CPQ: variants seen among roughly 807,000 people sequenced by gnomAD.
The protein encoded by CPQ is Ser-Met dipeptidase.
Under a neutral mutation model 45.7 loss-of-function variants are expected in CPQ, and 37 were observed. The observed-to-expected ratio is 0.81, with a 90% CI of 0.62 to 1.07. The LOEUF is 1.07. Ranked by LOEUF, CPQ falls within the 50% of genes least tolerant of loss-of-function variation. The probability of loss-of-function intolerance (pLI) is 0.00; values close to 1 mark genes in which losing one functional copy is unlikely to be tolerated. For synonymous variants in CPQ, 186 were observed against 205.8 expected, an observed-to-expected ratio of 0.90 and a Z score of 0.82; for missense variants, 537 against 572.9, an observed-to-expected ratio of 0.94 and a Z score of 0.64.
rs148303069 is a variant in CPQ at position 96,886,288 on chromosome 8, C to A, written c.849+6283C>A. Among the ~76,000 whole-genome samples, 12 of 152,282 alleles carry A rather than the reference C, an allele frequency of 7.9e-5. No homozygotes were observed. The East Asian group carries it at 2.3e-3, about 29-fold the overall frequency. On this transcript the variant is annotated intron_variant, in intron 4 of 7. Transcript: ENST00000220763. Reference sequence around the variant, plus strand: ...TCAGAACTGCATTCTCTCAAGACAGCTTTATCCCTGGGAAATCATGGTATA... The same window carrying A: ...TCAGAACTGCATTCTCTCAAGACAGATTTATCCCTGGGAAATCATGGTATA...
intron 1 of CPQ, among the ~76,000 whole-genome samples, chr8:96,703,280 A>G (rs942873488): frequency 6.6e-6 from 1 of 152,180 alleles, no homozygotes; most frequent in African/African-American, 2.4e-5. Flanking sequence ...ACCTAAGTTT[A>G]GCTTGATGCA....
rs551979027 is a variant in CPQ at position 96,855,443 on chromosome 8, C to T, written c.641+20263C>T. ...AGATCCAGCCCTGATAGGAGAATGC[C>T]TGGTTTTTAGAAATAGGGGGATTAG... On this transcript the variant is annotated intron_variant, in intron 3 of 7. Coordinates refer to ENST00000220763, the MANE Select transcript of CPQ (RefSeq NM_016134.4). Among the ~76,000 whole-genome samples, 64 of 152,278 alleles carry T rather than the reference C, an allele frequency of 4.2e-4. No individual in the cohort carries two copies. The South Asian group carries it at 0.012, about 30-fold the overall frequency.
At chr8:96,985,774 G>A (rs187096222) in intron 5 of CPQ, among the ~76,000 whole-genome samples, 10 of 152,222 alleles carry the variant, frequency 6.6e-5, no homozygotes, top group Non-Finnish European at 1.0e-4. Context: ...TAATAATAAT[G>A]TATCTCCAGA....
At chr8:96,913,553 ATTAAAAGCTTTCAAGC>A (rs1269454544) in intron 4 of CPQ, among the ~76,000 whole-genome samples, 1 of 152,288 alleles carries the variant, frequency 6.6e-6, no homozygotes, top group East Asian at 1.9e-4. Context: ...CCCTCCACCC[ATTAAAAGCTTTCAAGC>A]TTTATTGGAT....
chr8:96,993,150 A>C (rs1238972617), intron 5 of CPQ, among the ~76,000 whole-genome samples: 3 of 152,230 alleles, frequency 2.0e-5, no homozygotes, highest in African/African-American at 7.2e-5. Flanking sequence ...ATGGTGCATT[A>C]ATATCTATAA....
chr8:96,648,110 G>A (rs913302742), intron 1 of CPQ, among the ~76,000 whole-genome samples: 1 of 152,184 alleles, frequency 6.6e-6, no homozygotes, highest in African/African-American at 2.4e-5. Context: ...GACGAAAAGA[G>A]AGGCCCATAA....
chr8:97,010,970 G>A (rs913389720), intron 5 of CPQ, among the ~76,000 whole-genome samples: 2 of 152,050 alleles, frequency 1.3e-5, no homozygotes, highest in African/African-American at 4.8e-5. Flanking sequence ...TGCAGAGAAT[G>A]CATTTTGTTA....
intron 5 of CPQ, 62 bp from the exon 6 acceptor site, chr8:97,029,341 C>T: frequency 6.7e-7 from 1 of 1,491,426 alleles, no homozygotes; most frequent in South Asian, 1.2e-5. Flanking sequence ...GGGACCCTGC[C>T]ATTTTTTTAT....
chr8:97,068,092 G>C (rs1237389073), intron 7 of CPQ, among the ~76,000 whole-genome samples: 1 of 152,124 alleles, frequency 6.6e-6, no homozygotes, highest in East Asian at 1.9e-4. Flanking sequence ...ACAAAAACTT[G>C]TCCCTCCCCA....
At chr8:96,679,870 TTTTCA>T (rs1454040083) in intron 1 of CPQ, among the ~76,000 whole-genome samples, 3 of 152,056 alleles carry the variant, frequency 2.0e-5, no homozygotes, top group Non-Finnish European at 4.4e-5. Context: ...AAAAACCAAC[TTTTCA>T]TTTCATCGAT....
At chr8:96,949,881 G>A (rs1031994212) in intron 4 of CPQ, among the ~76,000 whole-genome samples, 2 of 151,970 alleles carry the variant, frequency 1.3e-5, no homozygotes, top group East Asian at 1.9e-4. Flanking sequence ...ATTCTAATGC[G>A]TTTCTAGTCC....
At chr8:96,732,812 A>G (rs369617808) in intron 1 of CPQ, among the ~76,000 whole-genome samples, 1 of 152,132 alleles carries the variant, frequency 6.6e-6, no homozygotes, top group Non-Finnish European at 1.5e-5. Context: ...GGGGCCCTAC[A>G]TGGCTCTGAG....
chr8:96,688,215 T>C (rs2130735079), intron 1 of CPQ, among the ~76,000 whole-genome samples: 1 of 152,176 alleles, frequency 6.6e-6, no homozygotes, highest in Non-Finnish European at 1.5e-5. Context: ...ATTGAACATA[T>C]ACTATGCTGC....
At chr8:96,929,127 G>C (rs1187820903) in intron 4 of CPQ, among the ~76,000 whole-genome samples, 1 of 152,168 alleles carries the variant, frequency 6.6e-6, no homozygotes, top group Non-Finnish European at 1.5e-5. Context: ...AGATAATTCT[G>C]ATTTACATGA....
intron 3 of CPQ, among the ~76,000 whole-genome samples, chr8:96,842,281 G>T (rs1216534407): frequency 6.6e-6 from 1 of 152,128 alleles, no homozygotes; most frequent in East Asian, 1.9e-4. Flanking sequence ...TCTTAAGCAT[G>T]ACCTTAAGAT....
intron 1 of CPQ, among the ~76,000 whole-genome samples, chr8:96,725,855 T>C (rs1211448815): frequency 1.3e-5 from 2 of 152,084 alleles, no homozygotes; most frequent in Non-Finnish European, 2.9e-5. Flanking sequence ...CATTGGTGGA[T>C]TGTATAAAGA....
At chr8:96,881,862 TTGTA>T (rs1297564696) in intron 4 of CPQ, among the ~76,000 whole-genome samples, 1 of 152,240 alleles carries the variant, frequency 6.6e-6, no homozygotes, top group Non-Finnish European at 1.5e-5. Context: ...TAAGTTTCCT[TTGTA>T]TGGCATCAAG....
intron 1 of CPQ, among the ~76,000 whole-genome samples, chr8:96,683,969 T>G (rs1586357756): frequency 1.3e-5 from 2 of 152,306 alleles, no homozygotes; most frequent in Middle Eastern, 3.4e-3. Context: ...ATTATTTATC[T>G]GTGTTTTCTT....
At chr8:96,837,407 C>T (rs1811544374) in intron 3 of CPQ, among the ~76,000 whole-genome samples, 1 of 152,194 alleles carries the variant, frequency 6.6e-6, no homozygotes, top group Non-Finnish European at 1.5e-5. Flanking sequence ...AGGCCATCAT[C>T]TTACTTCACT....
Sources: allele counts gnomAD v4.1 joint callset (sites outside exome capture counted in the v4.1 genomes callset), GRCh38; gene constraint gnomAD v4.1.1; transcripts MANE v1.5; gene names NCBI Gene and HGNC (gene_info 2026-07-23, HGNC 2026-07-21).